TSC2: variants seen among roughly 807,000 people sequenced by gnomAD.
TSC2 encodes tuberin.
TSC2 carries 29 observed loss-of-function variants against 202.2 expected under a neutral mutation model. The ratio of observed to expected loss-of-function variants is 0.14; its 90% CI spans 0.11 to 0.20. The LOEUF (loss-of-function observed/expected upper bound fraction) is 0.20, where lower values mean the gene tolerates loss of function less well. Among genes scored for constraint, TSC2 ranks in the 10% least tolerant of loss-of-function variants. TSC2 has a pLI of 1.00. For missense variants in TSC2, 2,429 were observed against 2,420.0 expected, an observed-to-expected ratio of 1.00 and a Z score of -0.08; for synonymous variants, 1,349 against 1,044.0, an observed-to-expected ratio of 1.29 and a Z score of -5.63.
Position 2,055,334 on chromosome 16 carries a change from C to T in TSC2, c.482-68C>T, listed in dbSNP as rs2516734. The T allele has an allele frequency of 2.3e-5, 28 of 1,216,476 alleles. No homozygotes were observed. The East Asian group carries it at 3.5e-4, about 15-fold the overall frequency. The allele number at this position is 1,216,476 out of a possible 1,614,324, so 75.4% of individuals were successfully genotyped here. On this transcript the variant is annotated intron_variant, in intron 5 of 41. Transcript: ENST00000219476. ...CGGGTTTGGACACACTGTCCTGCGG[C>T]GGGAGGGGGAGGTGAGTGGGAGATG...
In TSC2 at chr16:2,080,402, G is replaced by C. The variant is rs45517300; in HGVS notation, c.3610+25G>C. Reference sequence around the variant, plus strand: ...GGTACTGGGCGGGGCTGGCCTGAGCGCCATCTTTCTGCCAGTCACCCACAG... The same window carrying C: ...GGTACTGGGCGGGGCTGGCCTGAGCCCCATCTTTCTGCCAGTCACCCACAG... On this transcript the variant is annotated intron_variant, in intron 30 of 41. Transcript: ENST00000219476. 13 of 1,606,382 alleles carry C rather than the reference G, an allele frequency of 8.1e-6. No individual in the cohort carries two copies. The highest frequency in any genetic ancestry group is 4.0e-5 in the African/African-American group (3 of 74,164).
chr16:2,076,249 G>A, intron 24 of TSC2, 79 bp downstream of exon 24: 1 of 1,597,890 alleles, frequency 6.3e-7, no homozygotes, highest in Non-Finnish European at 8.5e-7. Flanking sequence ...TGGTCGGGCA[G>A]AGTGACAGGC....
rs45438898 is a variant in TSC2 at position 2,084,491 on chromosome 16, G to A, written c.4269G>A (p.Leu1423=). ...AGGCCCGGTCACAGTCAGGGACCCT[G>A]GACGGGGAAAGTGCTGCCTGGTCGG... ...EVKARSQSGT[L]DGESAAWSAS... The change falls in exon 34 of 42, where the codon CTG becomes CTA. Residue 1423 remains leucine (L), a synonymous_variant. Coordinates refer to ENST00000219476, the MANE Select transcript of TSC2 (RefSeq NM_000548.5). 3.5e-3 allele frequency: 5,685 copies of A among 1,609,194 alleles called. 26 individuals are homozygous for A. Among genetic ancestry groups the A allele is most frequent in the Non-Finnish European group, 4.0e-3 (4,756 of 1,178,640 alleles).
chr16:2,076,913 C>G (rs1327548628), intron 25 of TSC2, among the ~76,000 whole-genome samples: 3 of 152,156 alleles, frequency 2.0e-5, no homozygotes, highest in Admixed American at 6.5e-5. Context: ...CAGCCTGCTG[C>G]TAGCCGGGGA....
Position 2,070,448 on chromosome 16 carries a change from C to G in TSC2, c.1717-8C>G, listed in dbSNP as rs755425128. 6.2e-7 allele frequency: 1 copy of G among 1,613,378 alleles called. No homozygotes were observed. The highest frequency in any genetic ancestry group is 1.1e-5 in the South Asian group (1 of 91,086). ...TGCGCCGTGGTGAGCTGCGTCCTCT[C>G]TCTGCAGACCAAGCTGTACACCCTG... On this transcript the variant is annotated splice_polypyrimidine_tract_variant and splice_region_variant and intron_variant, in intron 16 of 41. Transcript: ENST00000219476.
intron 1 of TSC2, 146 bp downstream of exon 1, chr16:2,048,211 T>C: frequency 6.6e-7 from 1 of 1,510,664 alleles, no homozygotes; most frequent in Admixed American, 2.0e-5. Flanking sequence ...TAGTTTTAAG[T>C]CATGGCGGGT....
rs878854091 is a variant in TSC2, at chr16:2,079,299, T to C, written c.3155T>C (p.Leu1052Pro). 6.2e-7 allele frequency: 1 copy of C among 1,612,986 alleles called. No homozygotes were observed. Among genetic ancestry groups the C allele is most frequent in the Non-Finnish European group, 8.5e-7 (1 of 1,180,000 alleles). ...PKRSPVGEFL[L>P]AGGRTKTWLV... Reference sequence around the variant, plus strand: ...AGGTCTCCTGTGGGCGAGTTCCTCCTAGCGGGTGGCAGGACCAAAACCTGG... The same window carrying C: ...AGGTCTCCTGTGGGCGAGTTCCTCCCAGCGGGTGGCAGGACCAAAACCTGG... Residue 1052 changes from leucine (L) to proline (P), a missense_variant, in exon 28 of 42, where the codon CTA becomes CCA. By Grantham distance (98) the Leu-to-Pro change is moderately conservative. Transcript: ENST00000219476. The surrounding 1 kb of genome is among the most constrained non-coding windows in gnomAD (Gnocchi z 4.6).
intron 12 of TSC2, 145 bp downstream of exon 12, chr16:2,062,153 C>A: frequency 8.2e-7 from 1 of 1,218,002 alleles, no homozygotes; most frequent in Non-Finnish European, 1.2e-6. Flanking sequence ...GCAGGGAAGG[C>A]TGGCAGGCAC....
intron 25 of TSC2, among the ~76,000 whole-genome samples, chr16:2,076,989 G>T (rs2089481037): frequency 6.6e-6 from 1 of 152,230 alleles, no homozygotes; most frequent in South Asian, 2.1e-4. Context: ...GTTCTTGTTT[G>T]CATTTCATTT....
chr16:2,082,471 C>G lies in TSC2; in HGVS notation c.3850C>G (p.Gln1284Glu). Residue 1284 changes from glutamine to glutamate, a missense_variant, in exon 32 of 42, where the codon CAA (glutamine) becomes GAA (glutamate). Gln to Glu is a conservative substitution (Grantham distance 29). Transcript: ENST00000219476. ...CTCCTCCCTGTACCAGTCCAGCTGCCAAGGACAGCTGCACAGGAGCGTTTC... is the reference window on the plus strand; with the variant it reads ...CTCCTCCCTGTACCAGTCCAGCTGCGAAGGACAGCTGCACAGGAGCGTTTC... Reference protein sequence around the residue: ...SFSSLYQSSCQGQLHRSVSWA... With the variant: ...SFSSLYQSSCEGQLHRSVSWA... The G allele has an allele frequency of 1.9e-6, 3 of 1,612,100 alleles. No individual in the cohort carries two copies. The highest frequency in any genetic ancestry group is 2.5e-6 in the Non-Finnish European group (3 of 1,180,004).
intron 1 of TSC2, chr16:2,048,316 G>T: frequency 1.0e-6 from 1 of 1,001,608 alleles, no homozygotes; most frequent in South Asian, 1.4e-5. Context: ...AGGACTTCGC[G>T]GCGGCAGTCC....
intron 11 of TSC2, chr16:2,061,377 C>T (rs776519094): frequency 5.4e-5 from 16 of 296,552 alleles, no homozygotes; most frequent in Non-Finnish European, 8.0e-5. Context: ...GGACTGAAGT[C>T]CTCTCAGAGC....
rs2089905326 is a variant in TSC2 at position 2,079,817 on chromosome 16, A to G, written c.3397+148A>G. The stretch of plus-strand genomic sequence containing the variant: ...GTCCTGACTCTGGGGTGAGCCTTCC[A>G]CAGCTCACCCCAGAGCCGTGGAGTG... On this transcript the variant is annotated intron_variant, in intron 29 of 41. Coordinates refer to ENST00000219476, the MANE Select transcript of TSC2 (RefSeq NM_000548.5). The surrounding 1 kb of genome is among the most constrained non-coding windows in gnomAD (Gnocchi z 4.6). 2.6e-6 allele frequency: 2 copies of G among 783,876 alleles called. No individual in the cohort carries two copies. Among genetic ancestry groups the G allele is most frequent in the Admixed American group, 2.9e-5 (1 of 34,664 alleles). 48.6% of individuals were successfully genotyped at this position (783,876 alleles called of 1,614,324 possible).
Position 2,056,915 on chromosome 16 carries a change from A to C in TSC2, c.774+146A>C. The C allele has an allele frequency of 3.4e-6, 5 of 1,461,378 alleles. No homozygotes were observed. In the South Asian group the frequency reaches 5.8e-5, roughly 17 times the overall value. The allele number at this position is 1,461,378 out of a possible 1,614,324, so 90.5% of individuals were successfully genotyped here. A position where few individuals can be genotyped will look rare whatever the true frequency, so the allele number is the denominator to read the frequency against. On this transcript the variant is annotated intron_variant, in intron 8 of 41. Transcript: ENST00000219476. ...GACGGCCAGTGTCATTTTCCCAGGC[A>C]GTTGAGCTGAGGTCAGGGTTTTGGT... is the stretch of plus-strand genomic sequence containing the variant.
intron 7 of TSC2, 75 bp downstream of exon 7, chr16:2,056,319 C>T: frequency 6.3e-7 from 1 of 1,588,856 alleles, no homozygotes; most frequent in Non-Finnish European, 8.6e-7. Context: ...GGGTTGAGCC[C>T]TGTGTGCCAC....
chr16:2,073,978 T>A (rs2088876196), intron 21 of TSC2, among the ~76,000 whole-genome samples: 1 of 152,242 alleles, frequency 6.6e-6, no homozygotes, highest in African/African-American at 2.4e-5. Context: ...CATGTCTGGG[T>A]TCTGTTGGCC....
At position 2,071,561 on chromosome 16, in the gene TSC2, C is replaced by A. The variant is rs575892718; in HGVS notation, c.1891C>A (p.Leu631Met). 6.2e-7 allele frequency: 1 copy of A among 1,613,624 alleles called. No homozygotes were observed. Among genetic ancestry groups the A allele is most frequent in the African/African-American group, 1.3e-5 (1 of 75,058 alleles). ...GGCCGACTCACTGCACCGCCTGGGC[C>A]TGCCCAACAAGGATGGAGTCGTGCG... ...LRADSLHRLG[L>M]PNKDGVVRFS... Residue 631 changes from leucine to methionine, a missense_variant, in exon 18 of 42, where the codon CTG becomes ATG. By Grantham distance (15) the Leu-to-Met change is conservative (BLOSUM62 2). Transcript: ENST00000219476.
chr16:2,077,492 G>C (rs932108755), intron 25 of TSC2, 106 bp from the exon 26 acceptor site: 88 of 1,552,808 alleles, frequency 5.7e-5, no homozygotes, highest in Non-Finnish European at 7.5e-5. Flanking sequence ...TCTCCATCCT[G>C]ACCCTGTGGC....
At chr16:2,080,430 C>G in intron 30 of TSC2, 53 bp downstream of exon 30, 1 of 1,595,120 alleles carries the variant, frequency 6.3e-7, no homozygotes, top group Admixed American at 1.7e-5. Context: ...ACCCACAGAG[C>G]TGTGGACACT....
Sources: gnomAD v4.1 joint callset for allele counts (sites outside exome capture counted in the v4.1 genomes callset) on GRCh38, gnomAD v4.1.1 for gene constraint, Gnocchi (gnomAD v3.1) non-coding constraint, MANE v1.5 for transcripts, NCBI Gene and HGNC (gene_info 2026-07-23, HGNC 2026-07-21) for gene names.